CRYZ: variants seen among roughly 807,000 people sequenced by gnomAD.
CRYZ encodes zeta-crystallin.
Under a neutral mutation model 34.1 loss-of-function variants are expected in CRYZ, and 35 were observed. The observed-to-expected ratio is 1.03, with a 90% CI of 0.78 to 1.36. The LOEUF (loss-of-function observed/expected upper bound fraction) is 1.36. Ranked by LOEUF, CRYZ falls within the 40% of genes most tolerant of loss-of-function variation. The pLI is 0.00. For synonymous variants in CRYZ, 137 were observed against 136.5 expected, an observed-to-expected ratio of 1.00 and a Z score of -0.03; for missense variants, 403 against 391.8, an observed-to-expected ratio of 1.03 and a Z score of -0.24.
intron 1 of CRYZ, among the ~76,000 whole-genome samples, chr1:74,725,426 C>T (rs1647282743): frequency 6.6e-6 from 1 of 152,138 alleles, no homozygotes; most frequent in South Asian, 2.1e-4. Flanking sequence ...AGGGGAATTC[C>T]CTTTTATAAA....
chr1:74,707,805 C>T (rs1317825570), intron 6 of CRYZ: 1 of 151,982 alleles, frequency 6.6e-6, no homozygotes, highest in Non-Finnish European at 1.5e-5. Context: ...TCCCTGTGCC[C>T]GGGATTGCAC....
intron 3 of CRYZ, among the ~76,000 whole-genome samples, chr1:74,720,498 C>T (rs1389283533): frequency 6.6e-6 from 1 of 152,152 alleles, no homozygotes; most frequent in Non-Finnish European, 1.5e-5. Flanking sequence ...CCCACCGTAA[C>T]CACCTACCTT....
intron 6 of CRYZ, among the ~76,000 whole-genome samples, chr1:74,709,593 T>G (rs1218143808): frequency 3.3e-5 from 5 of 152,186 alleles, no homozygotes; most frequent in African/African-American, 1.2e-4. Flanking sequence ...AGAATCTGCT[T>G]GAATTCTGTT....
At chr1:74,711,427 A>G (rs975851896) in intron 5 of CRYZ, among the ~76,000 whole-genome samples, 60 of 152,216 alleles carry the variant, frequency 3.9e-4, no homozygotes, top group African/African-American at 1.4e-3. Context: ...ACTGGAAAAA[A>G]TAAACAAATT....
intron 5 of CRYZ, 69 bp from the exon 6 acceptor site, chr1:74,710,316 T>C: frequency 6.8e-7 from 1 of 1,467,324 alleles, no homozygotes; most frequent in Non-Finnish European, 9.2e-7. Context: ...ATACATACAA[T>C]GAACTTAAGA....
At chr1:74,718,413 T>G (rs1647105620) in intron 4 of CRYZ, among the ~76,000 whole-genome samples, 1 of 152,114 alleles carries the variant, frequency 6.6e-6, no homozygotes, top group Non-Finnish European at 1.5e-5. Context: ...ATTTCATTAC[T>G]TCCAGTCCTT....
Position 74,723,170 on chromosome 1 carries a change from G to A in CRYZ, c.212C>T (p.Ser71Leu). 1.2e-6 allele frequency: 2 copies of A among 1,614,026 alleles called. No homozygotes were observed. The highest frequency in any genetic ancestry group is 1.6e-4 in the Middle Eastern group (1 of 6,062). The change falls in exon 3 of 9, where the codon TCA (serine) becomes TTA (leucine). Residue 71 changes from serine to leucine, a missense_variant. Transcript: ENST00000340866. ...AGCTTCTATCACCCCAGCCACATCT[G>A]AGCCAGGAGTATAGGGTAAGAGTGG... ...RKPLLPYTPG[S>L]DVAGVIEAVG...
In CRYZ at chr1:74,706,961, GGTTT is replaced by G. The variant is rs759200597; in HGVS notation, c.762_765del (p.Asn255HisfsTer11). Reference sequence around the variant, plus strand: ...GACTCCTTTGCCATGGTGTCTCGTGGGTTTATTTCAATAGTACCTCTGCTGCCAA... The same window carrying G: ...GACTCCTTTGCCATGGTGTCTCGTGGATTTCAATAGTACCTCTGCTGCCAA... On this transcript the variant is annotated frameshift_variant, in exon 8 of 9. Coordinates refer to ENST00000340866, the MANE Select transcript of CRYZ (RefSeq NM_001889.4). LOFTEE classifies it high-confidence loss of function. The G allele has an allele frequency of 9.1e-5, 147 of 1,612,676 alleles. 1 individual carries two copies. In the South Asian group the frequency reaches 1.6e-3, roughly 17 times the overall value.
At chr1:74,712,821 T>C (rs1277611935) in intron 5 of CRYZ, among the ~76,000 whole-genome samples, 2 of 152,194 alleles carry the variant, frequency 1.3e-5, no homozygotes, top group African/African-American at 4.8e-5. Flanking sequence ...AATAGCTCTT[T>C]TAAAAAGGCA....
At chr1:74,719,402 G>C (rs1431816581) in intron 3 of CRYZ, 30 bp from the exon 4 acceptor site, 2 of 1,586,200 alleles carry the variant, frequency 1.3e-6, no homozygotes, top group Non-Finnish European at 1.7e-6. Flanking sequence ...AATAAATGCA[G>C]GAAGACTAAA....
intron 1 of CRYZ, among the ~76,000 whole-genome samples, chr1:74,726,421 C>A (rs1647341700): frequency 6.6e-6 from 1 of 152,210 alleles, no homozygotes; most frequent in South Asian, 2.1e-4. Context: ...ATGGCCTGAT[C>A]TGTATGTTGG....
chr1:74,724,042 T>TAA (rs531755197), intron 2 of CRYZ, among the ~76,000 whole-genome samples: 1 of 150,758 alleles, frequency 6.6e-6, no homozygotes, highest in East Asian at 1.9e-4. Context: ...ATAGGTTGGG[T>TAA]AAAAAAAAAT....
At chr1:74,730,891 C>T (rs1025851991) in intron 1 of CRYZ, among the ~76,000 whole-genome samples, 19 of 152,264 alleles carry the variant, frequency 1.2e-4, no homozygotes, top group African/African-American at 4.6e-4. Flanking sequence ...ACTAAGGCAT[C>T]TGCTTAGAGT....
At chr1:74,732,487 C>T (rs1647844577) in intron 1 of CRYZ, among the ~76,000 whole-genome samples, 1 of 151,584 alleles carries the variant, frequency 6.6e-6, no homozygotes, top group South Asian at 2.1e-4. Context: ...AAATCCTCTA[C>T]AGCTGAGAGC....
In CRYZ at chr1:74,728,056, A is replaced by G. The variant is rs1647479919; in HGVS notation, c.-13-3222T>C. On this transcript the variant is annotated intron_variant, in intron 1 of 8. Coordinates refer to ENST00000340866, the MANE Select transcript of CRYZ (RefSeq NM_001889.4). Reference sequence around the variant, plus strand: ...TTTACACAGTTTAGGGAATATAAAAATCTCAGAAACTTAGTGCTGAAAGGA... The same window carrying G: ...TTTACACAGTTTAGGGAATATAAAAGTCTCAGAAACTTAGTGCTGAAAGGA... 2.0e-5 allele frequency among the ~76,000 whole-genome samples: 3 copies of G among 152,210 alleles called. No individual in the cohort carries two copies. In the South Asian group the frequency reaches 6.2e-4, roughly 31 times the overall value.
At chr1:74,709,292 G>A (rs1303687037) in intron 6 of CRYZ, among the ~76,000 whole-genome samples, 2 of 152,002 alleles carry the variant, frequency 1.3e-5, no homozygotes, top group East Asian at 1.9e-4. Flanking sequence ...TTAAAATAAC[G>A]GGCCATTTTT....
chr1:74,724,025 A>T (rs1025333969), intron 2 of CRYZ, among the ~76,000 whole-genome samples: 4 of 152,188 alleles, frequency 2.6e-5, no homozygotes, highest in Non-Finnish European at 5.9e-5. Flanking sequence ...TAGGAATGAG[A>T]GAAAGGATAG....
rs563821419 is a variant in CRYZ, at chr1:74,715,122, C to T, written c.429-492G>A. Among the ~76,000 whole-genome samples the T allele has an allele frequency of 2.6e-5, 4 of 152,244 alleles. No homozygotes were observed. In the East Asian group the frequency reaches 5.8e-4, roughly 22 times the overall value. On this transcript the variant is annotated intron_variant, in intron 4 of 8. Transcript: ENST00000340866. Reference sequence around the variant, plus strand: ...AATTTTTCTTCTCCATGTCTCTGAACATCAGGTTGCACCAGCCTTGTACTC... The same window carrying T: ...AATTTTTCTTCTCCATGTCTCTGAATATCAGGTTGCACCAGCCTTGTACTC...
At chr1:74,725,913 T>TA (rs1384629438) in intron 1 of CRYZ, among the ~76,000 whole-genome samples, 1 of 152,200 alleles carries the variant, frequency 6.6e-6, no homozygotes, top group Non-Finnish European at 1.5e-5. Flanking sequence ...AGTCAAATCT[T>TA]AAAGCTCCAA....
Sources: gnomAD v4.1 joint callset for allele counts (sites outside exome capture counted in the v4.1 genomes callset) on GRCh38, gnomAD v4.1.1 for gene constraint, MANE v1.5 for transcripts, NCBI Gene and HGNC (gene_info 2026-07-23, HGNC 2026-07-21) for gene names.